The following DIAPH3 variants were observed in gnomAD, a reference collection of about 807,000 sequenced individuals.
DIAPH3 encodes diaphanous related formin 3.
A neutral mutation model predicts 144.3 loss-of-function variants in DIAPH3; 117 were observed. The observed-to-expected ratio is 0.81, with a 90% CI of 0.70 to 0.95. The LOEUF (loss-of-function observed/expected upper bound fraction) is 0.95. Among genes scored for constraint, DIAPH3 ranks in the 40% least tolerant of loss-of-function variants. The probability of loss-of-function intolerance (pLI) is 0.00; values close to 1 mark genes in which losing one functional copy is unlikely to be tolerated. For missense variants in DIAPH3, 1,421 were observed against 1,412.7 expected, an observed-to-expected ratio of 1.01 and a Z score of -0.09; for synonymous variants, 519 against 488.9, an observed-to-expected ratio of 1.06 and a Z score of -0.81.
chr13:60,061,951 A>G (rs1407225029), intron 4 of DIAPH3, among the ~76,000 whole-genome samples: 2 of 152,008 alleles, frequency 1.3e-5, no homozygotes, highest in African/African-American at 4.8e-5. Context: ...AGCCTCCTAC[A>G]CAACCCCACC....
chr13:60,147,326 T>C (rs925457269), intron 1 of DIAPH3: 2 of 152,174 alleles, frequency 1.3e-5, no homozygotes, highest in Non-Finnish European at 2.9e-5. Flanking sequence ...TATAGGAGAT[T>C]GGGACAAAAC....
intron 27 of DIAPH3, among the ~76,000 whole-genome samples, chr13:59,773,006 C>A (rs1038623127): frequency 2.6e-5 from 4 of 152,074 alleles, no homozygotes; most frequent in African/African-American, 7.2e-5. Context: ...CAGGATAGAT[C>A]TACTCTCTAC....
chr13:60,148,103 T>C (rs1295048896), intron 1 of DIAPH3, among the ~76,000 whole-genome samples: 1 of 152,044 alleles, frequency 6.6e-6, no homozygotes, highest in Non-Finnish European at 1.5e-5. Flanking sequence ...GATCAAGAAG[T>C]TGAAAATAAA....
intron 8 of DIAPH3, among the ~76,000 whole-genome samples, chr13:60,009,448 T>TA (rs2053101305): frequency 6.6e-6 from 1 of 151,950 alleles, no homozygotes. Context: ...AAGAGGAGGT[T>TA]AAAAGACAGA....
chr13:59,865,990 G>C (rs1475943927), intron 21 of DIAPH3, among the ~76,000 whole-genome samples: 1 of 151,852 alleles, frequency 6.6e-6, no homozygotes, highest in African/African-American at 2.4e-5. Flanking sequence ...CTATAATCTA[G>C]GTATGTATCA....
chr13:60,092,754 C>T (rs2057990956), intron 4 of DIAPH3, among the ~76,000 whole-genome samples: 1 of 152,210 alleles, frequency 6.6e-6, no homozygotes, highest in South Asian at 2.1e-4. Flanking sequence ...AAAAATTAAA[C>T]ATCACTTGTG....
At chr13:60,121,985 C>T (rs181541159) in intron 2 of DIAPH3, among the ~76,000 whole-genome samples, 5 of 152,256 alleles carry the variant, frequency 3.3e-5, no homozygotes, top group Admixed American at 2.0e-4. Flanking sequence ...GCCCTCTCCC[C>T]CTACCATGCT....
intron 26 of DIAPH3, among the ~76,000 whole-genome samples, 181 bp from the exon 27 acceptor site, chr13:59,774,429 CTG>C (rs2038287674): frequency 6.6e-6 from 1 of 152,190 alleles, no homozygotes; most frequent in South Asian, 2.1e-4. Flanking sequence ...AATTATGCTA[CTG>C]TAAACTCCAC....
At chr13:59,742,721 A>G (rs2036525522) in intron 27 of DIAPH3, among the ~76,000 whole-genome samples, 1 of 141,094 alleles carries the variant, frequency 7.1e-6, no homozygotes, top group Non-Finnish European at 1.5e-5. Flanking sequence ...AAGAAAAGAA[A>G]GAAAAGAAAG....
At chr13:59,994,747 A>G (rs991914280) in intron 9 of DIAPH3, among the ~76,000 whole-genome samples, 1 of 151,880 alleles carries the variant, frequency 6.6e-6, no homozygotes, top group Non-Finnish European at 1.5e-5. Context: ...AGCAATTCAA[A>G]TTTTATGAGC....
chr13:59,815,599 G>C (rs1391504039), intron 24 of DIAPH3, among the ~76,000 whole-genome samples: 1 of 151,866 alleles, frequency 6.6e-6, no homozygotes, highest in South Asian at 2.1e-4. Context: ...GATTTCTATT[G>C]TTTTGTAACA....
At chr13:59,986,804 T>A (rs2051417236) in intron 12 of DIAPH3, among the ~76,000 whole-genome samples, 1 of 149,860 alleles carries the variant, frequency 6.7e-6, no homozygotes, top group Non-Finnish European at 1.5e-5. Context: ...AGAATGGCAA[T>A]CATTAAAAAG....
intron 11 of DIAPH3, 37 bp downstream of exon 11, chr13:59,992,031 A>T: frequency 6.5e-7 from 1 of 1,530,546 alleles, no homozygotes; most frequent in Non-Finnish European, 9.1e-7. Context: ...CAATAATTTT[A>T]TATATGATTT....
intron 20 of DIAPH3, among the ~76,000 whole-genome samples, chr13:59,903,089 T>C (rs914487947): frequency 1.3e-5 from 2 of 152,104 alleles, no homozygotes; most frequent in African/African-American, 2.4e-5. Flanking sequence ...ACTTATGTAA[T>C]TGACAGACGA....
At chr13:59,757,883 G>A (rs538411977) in intron 27 of DIAPH3, among the ~76,000 whole-genome samples, 1 of 152,106 alleles carries the variant, frequency 6.6e-6, no homozygotes, top group African/African-American at 2.4e-5. Flanking sequence ...GGAAAAATGG[G>A]CAAATAAAAC....
intron 17 of DIAPH3, among the ~76,000 whole-genome samples, chr13:59,930,222 TA>T (rs2047959090): frequency 6.6e-6 from 1 of 152,104 alleles, no homozygotes; most frequent in South Asian, 2.1e-4. Flanking sequence ...ATTAAGCAAC[TA>T]AAAAGAGACT....
intron 17 of DIAPH3, among the ~76,000 whole-genome samples, chr13:59,944,794 A>AGGGG (rs36116687): frequency 7.4e-5 from 11 of 148,060 alleles, no homozygotes; most frequent in Non-Finnish European, 1.6e-4. Context: ...TTAGAAAAAA[A>AGGGG]GGGGGGGGGC....
intron 4 of DIAPH3, among the ~76,000 whole-genome samples, chr13:60,069,175 T>C (rs2057100130): frequency 6.6e-6 from 1 of 152,188 alleles, no homozygotes; most frequent in Non-Finnish European, 1.5e-5. Flanking sequence ...ATAACAGCCA[T>C]TCCGACTGGT....
In DIAPH3 at chr13:59,716,301, C is replaced by G. The variant is rs763945166; in HGVS notation, c.3320-49455G>C. Among the ~76,000 whole-genome samples, 7 of 152,156 alleles carry G rather than the reference C, an allele frequency of 4.6e-5. No homozygotes were observed. In the South Asian group the frequency reaches 1.0e-3, roughly 23 times the overall value. ...CGCCATTCTCCTGCCTCAGCCTCCC[C>G]AGTAGCTGGGAATACAGGCGCCCGC... On this transcript the variant is annotated intron_variant, in intron 27 of 27. Transcript: ENST00000400324.
Sources: allele counts gnomAD v4.1 joint callset (sites outside exome capture counted in the v4.1 genomes callset), GRCh38; gene constraint gnomAD v4.1.1; transcripts MANE v1.5; gene names NCBI Gene and HGNC (gene_info 2026-07-23, HGNC 2026-07-21).